SMAD9: variants seen among roughly 807,000 people sequenced by gnomAD.
SMAD9 encodes MAD homolog 9.
SMAD9 carries 36 observed loss-of-function variants against 46.1 expected under a neutral mutation model. The observed-to-expected ratio is 0.78, with a 90% CI of 0.60 to 1.03. The LOEUF (loss-of-function observed/expected upper bound fraction) is 1.03. SMAD9 is among the 50% of genes least tolerant of loss of function. SMAD9 has a pLI of 0.00. For missense variants in SMAD9, 572 were observed against 599.8 expected (o/e 0.95, Z 0.48); for synonymous variants, 245 against 237.1 (o/e 1.03, Z -0.31).
intron 1 of SMAD9, among the ~76,000 whole-genome samples, chr13:36,883,103 A>C (rs972464024): frequency 3.9e-5 from 6 of 152,160 alleles, no homozygotes; most frequent in African/African-American, 1.4e-4. Flanking sequence ...CCTGACATTA[A>C]CAGTGTAAGT....
At chr13:36,909,508 CATAT>C (rs1465992981) in intron 1 of SMAD9, among the ~76,000 whole-genome samples, 1 of 152,158 alleles carries the variant, frequency 6.6e-6, no homozygotes, top group Non-Finnish European at 1.5e-5. Flanking sequence ...TTTACACACA[CATAT>C]AGTCAGCATA....
chr13:36,850,526 G>A (rs759790148), intron 6 of SMAD9, among the ~76,000 whole-genome samples: 23 of 152,204 alleles, frequency 1.5e-4, no homozygotes, highest in Admixed American at 5.9e-4. Context: ...TTACAGGCAC[G>A]CGCCACCACG....
chr13:36,919,803 T>G (rs1352244105), intron 1 of SMAD9, among the ~76,000 whole-genome samples: 1 of 147,136 alleles, frequency 6.8e-6, no homozygotes, highest in Non-Finnish European at 1.5e-5. Context: ...CCCAGAGCAG[T>G]CCCCTCCGGC....
At chr13:36,904,998 A>AACTC (rs2058606405) in intron 1 of SMAD9, among the ~76,000 whole-genome samples, 2 of 152,220 alleles carry the variant, frequency 1.3e-5, no homozygotes, top group South Asian at 4.1e-4. Context: ...CTGCCATCAG[A>AACTC]ACTCAGCTCA....
rs2058383527 is a variant in SMAD9, at chr13:36,879,584, T to C, written c.106A>G (p.Lys36Glu). ...TTCTTCACTAGAGAGTCCACTGCCT[T>C]CTCTGCCCACTTTTCCTCTTCATCT... Reference protein sequence around the residue: ...QGDEEEKWAEKAVDSLVKKLK... With the variant: ...QGDEEEKWAEEAVDSLVKKLK... Residue 36 changes from lysine (K) to glutamate (E), a missense_variant, in exon 2 of 7, where the codon AAG becomes GAG. Coordinates refer to ENST00000379826, the MANE Select transcript of SMAD9 (RefSeq NM_001127217.3). The C allele has an allele frequency of 6.2e-7, 1 of 1,614,084 alleles. No homozygotes were observed. The highest frequency in any genetic ancestry group is 8.5e-7 in the Non-Finnish European group (1 of 1,180,042).
chr13:36,907,824 T>C (rs1332994707), intron 1 of SMAD9, among the ~76,000 whole-genome samples: 1 of 152,204 alleles, frequency 6.6e-6, no homozygotes, highest in Admixed American at 6.5e-5. Flanking sequence ...TCTGCCAAAT[T>C]AGAGGTATTT....
chr13:36,878,204 A>G (rs982822046), intron 2 of SMAD9, among the ~76,000 whole-genome samples: 5 of 152,154 alleles, frequency 3.3e-5, no homozygotes, highest in Admixed American at 3.3e-4. Flanking sequence ...AGGGGTGTGA[A>G]GGGTTTTAGA....
In SMAD9 at chr13:36,884,398, A is replaced by T. The variant is rs983117323; in HGVS notation, c.-186-4523T>A. Among the ~76,000 whole-genome samples, 26 of 152,194 alleles carry T rather than the reference A, an allele frequency of 1.7e-4. No homozygotes were observed. The Middle Eastern group carries it at 0.014, about 80-fold the overall frequency. ...TTGGGCAGAGAGAAAAAACACCATG[A>T]CTGTCCTTTCTTTGGAAAGGACACA... On this transcript the variant is annotated intron_variant, in intron 1 of 6. Transcript: ENST00000379826.
At chr13:36,901,063 T>C (rs1188267749) in intron 1 of SMAD9, among the ~76,000 whole-genome samples, 1 of 152,238 alleles carries the variant, frequency 6.6e-6, no homozygotes, top group African/African-American at 2.4e-5. Context: ...TGTGTTTGTG[T>C]GTGTATAAAC....
intron 1 of SMAD9, among the ~76,000 whole-genome samples, chr13:36,881,451 C>T (rs905127204): frequency 1.1e-4 from 17 of 152,198 alleles, no homozygotes; most frequent in Admixed American, 5.2e-4. Context: ...AAACTTCTTT[C>T]GAACAAAGGT....
intron 5 of SMAD9, among the ~76,000 whole-genome samples, chr13:36,860,031 T>C (rs1319609009): frequency 6.6e-6 from 1 of 152,126 alleles, no homozygotes. Flanking sequence ...TGGTGGCTGC[T>C]TTGTCCATGG....
intron 1 of SMAD9, among the ~76,000 whole-genome samples, chr13:36,919,427 G>T (rs1294061353): frequency 2.6e-5 from 4 of 152,104 alleles, no homozygotes; most frequent in Non-Finnish European, 4.4e-5. Flanking sequence ...GTCCAAGCGC[G>T]AGCCCGGAGA....
At chr13:36,873,332 T>A (rs968729747) in intron 2 of SMAD9, among the ~76,000 whole-genome samples, 1 of 152,134 alleles carries the variant, frequency 6.6e-6, no homozygotes, top group African/African-American at 2.4e-5. Flanking sequence ...AGTCTTTTTT[T>A]CCCCCAAGGC....
intron 1 of SMAD9, among the ~76,000 whole-genome samples, chr13:36,918,103 A>C (rs1489404447): frequency 6.6e-6 from 1 of 152,234 alleles, no homozygotes; most frequent in African/African-American, 2.4e-5. Flanking sequence ...CACAGATGCA[A>C]GAGTTGACAT....
chr13:36,845,621 G>A lies in SMAD9; in HGVS notation c.*3055C>T, dbSNP rs2058034154. 1 of 151,996 alleles carries A rather than the reference G, an allele frequency of 6.6e-6. No individual in the cohort carries two copies. The highest frequency in any genetic ancestry group is 6.6e-5 in the Admixed American group (1 of 15,248). 9.4% of individuals were successfully genotyped at this position (151,996 alleles called of 1,614,324 possible). On this transcript the variant is annotated 3_prime_UTR_variant, in exon 7 of 7. Transcript: ENST00000379826. ...CTTTATTAGTTATCCTGGAAAGAAT[G>A]CTATTCAGTTTTTTTTTTAATGTCT...
chr13:36,904,272 T>C (rs928387041), intron 1 of SMAD9, among the ~76,000 whole-genome samples: 1 of 152,218 alleles, frequency 6.6e-6, no homozygotes, highest in African/African-American at 2.4e-5. Flanking sequence ...GGCAGTCTGA[T>C]ACCTGGTGGG....
chr13:36,889,854 G>A (rs1034903007), intron 1 of SMAD9, among the ~76,000 whole-genome samples: 3 of 151,834 alleles, frequency 2.0e-5, no homozygotes, highest in Admixed American at 6.6e-5. Flanking sequence ...TTATACTTTG[G>A]CAACCTCAAA....
In SMAD9 at chr13:36,848,586, T is replaced by G; in HGVS notation, c.*90A>C. Reference sequence around the variant, plus strand: ...TACATTCTATGTATTTACACATGTTTTTAGAAACTTCAGTTGCAAATCTGA... The same window carrying G: ...TACATTCTATGTATTTACACATGTTGTTAGAAACTTCAGTTGCAAATCTGA... On this transcript the variant is annotated 3_prime_UTR_variant, in exon 7 of 7. Transcript: ENST00000379826. The G allele has an allele frequency of 3.2e-6, 4 of 1,234,526 alleles. No individual in the cohort carries two copies. The South Asian group carries it at 4.8e-5, about 15-fold the overall frequency. The allele number at this position is 1,234,526 out of a possible 1,614,324, so 76.5% of individuals were successfully genotyped here. A position where few individuals can be genotyped will look rare whatever the true frequency, so the allele number is the denominator to read the frequency against.
chr13:36,916,636 AG>A (rs1395711078), intron 1 of SMAD9, among the ~76,000 whole-genome samples: 7 of 152,156 alleles, frequency 4.6e-5, no homozygotes, highest in Non-Finnish European at 7.3e-5. Context: ...AGAATAAAAA[AG>A]GTAGATGAAA....
Sources: allele counts gnomAD v4.1 joint callset (sites outside exome capture counted in the v4.1 genomes callset), GRCh38; gene constraint gnomAD v4.1.1; transcripts MANE v1.5; gene names NCBI Gene and HGNC (gene_info 2026-07-23, HGNC 2026-07-21).